CDH4: variants seen among roughly 807,000 people sequenced by gnomAD.
CDH4 encodes the protein cadherin-4.
A neutral mutation model predicts 86.0 loss-of-function variants in CDH4; 33 were observed. The ratio of observed to expected loss-of-function variants is 0.38; its 90% confidence interval spans 0.29 to 0.51. The LOEUF is 0.51. Ranked by LOEUF, CDH4 falls within the 20% of genes least tolerant of loss-of-function variation. The pLI is 0.86. For missense variants in CDH4, 1,114 were observed against 1,307.4 expected (o/e 0.85, Z 2.28); for synonymous variants, 555 against 549.4 (o/e 1.01, Z -0.14).
chr20:61,906,082 G>A (rs1242415802), intron 8 of CDH4, among the ~76,000 whole-genome samples: 5 of 152,192 alleles, frequency 3.3e-5, no homozygotes, highest in African/African-American at 1.2e-4. Context: ...CAGGCCAGAC[G>A]CAGGGGCCGC....
chr20:61,673,355 T>G (rs1422335790), intron 2 of CDH4, among the ~76,000 whole-genome samples: 2 of 152,224 alleles, frequency 1.3e-5, no homozygotes, highest in Non-Finnish European at 2.9e-5. Context: ...GGCCAGCACC[T>G]GCTTCCGGGG....
chr20:61,937,027 G>C lies in CDH4; in HGVS notation c.*84G>C. 1.7e-6 allele frequency: 2 copies of C among 1,211,610 alleles called. No individual in the cohort carries two copies. Among genetic ancestry groups the C allele is most frequent in the Non-Finnish European group, 2.3e-6 (2 of 882,810 alleles). The allele number at this position is 1,211,610 out of a possible 1,614,324, so 75.1% of individuals were successfully genotyped here. On this transcript the variant is annotated 3_prime_UTR_variant, in exon 16 of 16. Coordinates refer to ENST00000614565, the MANE Select transcript of CDH4 (RefSeq NM_001794.5). ...CTGAGCAGAGGCGGCCGGTCTTCCC[G>C]ACTCCCTGCGGCTGTGTCCTTAGTG... is the stretch of plus-strand genomic sequence containing the variant.
chr20:61,903,540 T>TAAGAAA (rs1555856254), intron 8 of CDH4, among the ~76,000 whole-genome samples: 1 of 90,886 alleles, frequency 1.1e-5, no homozygotes, highest in Non-Finnish European at 2.0e-5. Context: ...AGAGACTCCA[T>TAAGAAA]AAAAAAAAAA....
At chr20:61,685,486 T>C (rs973507677) in intron 2 of CDH4, among the ~76,000 whole-genome samples, 27 of 152,118 alleles carry the variant, frequency 1.8e-4, no homozygotes, top group African/African-American at 6.5e-4. Context: ...CTGCGGAGAG[T>C]GCCTGCTCTC....
chr20:61,893,933 G>A (rs1332047975), intron 7 of CDH4, among the ~76,000 whole-genome samples: 2 of 152,120 alleles, frequency 1.3e-5, no homozygotes, highest in African/African-American at 4.8e-5. Context: ...TACGGAGCCA[G>A]TTTATGGAAC....
intron 2 of CDH4, among the ~76,000 whole-genome samples, chr20:61,512,775 C>T (rs1241024624): frequency 6.6e-6 from 1 of 152,172 alleles, no homozygotes; most frequent in South Asian, 2.1e-4. Flanking sequence ...CCCAGGAGCA[C>T]GTCCATTCCT....
intron 1 of CDH4, among the ~76,000 whole-genome samples, chr20:61,253,957 C>T (rs925250676): frequency 6.6e-6 from 1 of 152,230 alleles, no homozygotes; most frequent in Admixed American, 6.5e-5. Flanking sequence ...GCTGGCTTCC[C>T]GCTTGCACAC....
At chr20:61,743,878 A>G in intron 3 of CDH4, 89 bp downstream of exon 3, 1 of 949,524 alleles carries the variant, frequency 1.1e-6, no homozygotes, top group East Asian at 2.6e-5. Context: ...CAGGGCTCCC[A>G]CAGGACAGAC....
chr20:61,358,262 C>CT (rs2084763853), intron 2 of CDH4, among the ~76,000 whole-genome samples: 1 of 152,184 alleles, frequency 6.6e-6, no homozygotes, highest in African/African-American at 2.4e-5. Flanking sequence ...AGCCGACCCA[C>CT]TGTGTGCTGA....
chr20:61,885,374 G>A (rs1984496162), intron 7 of CDH4, among the ~76,000 whole-genome samples: 1 of 152,164 alleles, frequency 6.6e-6, no homozygotes, highest in South Asian at 2.1e-4. Context: ...GCCTATTCTG[G>A]ACATTTCCTG....
intron 2 of CDH4, among the ~76,000 whole-genome samples, chr20:61,569,625 CAAT>C (rs1240999965): frequency 6.6e-6 from 1 of 152,178 alleles, no homozygotes; most frequent in Non-Finnish European, 1.5e-5. Flanking sequence ...GGAAATGTAC[CAAT>C]GATACGAGAT....
intron 2 of CDH4, among the ~76,000 whole-genome samples, chr20:61,375,763 CTGG>C (rs1365120378): frequency 2.3e-5 from 1 of 43,104 alleles, no homozygotes; most frequent in African/African-American, 8.5e-5. Context: ...GATGGTGGTG[CTGG>C]TGGTGGTCAT....
chr20:61,369,427 G>A (rs1193981794), intron 2 of CDH4, among the ~76,000 whole-genome samples: 1 of 141,410 alleles, frequency 7.1e-6, no homozygotes, highest in Non-Finnish European at 1.5e-5. Flanking sequence ...CTCCAGCCTG[G>A]GTGACAGAGT....
At chr20:61,929,579 G>A (rs753813602) in intron 12 of CDH4, 30 bp from the exon 13 acceptor site, 4 of 1,553,600 alleles carry the variant, frequency 2.6e-6, no homozygotes, top group Admixed American at 3.3e-5. Context: ...GCCGGGCTCT[G>A]GTTGAATGTT....
chr20:61,763,132 A>G (rs2088657491), intron 3 of CDH4, among the ~76,000 whole-genome samples: 1 of 152,208 alleles, frequency 6.6e-6, no homozygotes, highest in African/African-American at 2.4e-5. Flanking sequence ...ACCTATCGCC[A>G]AAGGTCGGGG....
At chr20:61,613,799 C>T (rs1007037759) in intron 2 of CDH4, among the ~76,000 whole-genome samples, 1 of 151,380 alleles carries the variant, frequency 6.6e-6, no homozygotes, top group Admixed American at 6.6e-5. Context: ...ATCGACTCTA[C>T]AGACTTCTTG....
chr20:61,828,867 T>C (rs1276922184), intron 4 of CDH4, among the ~76,000 whole-genome samples: 1 of 152,186 alleles, frequency 6.6e-6, no homozygotes, highest in African/African-American at 2.4e-5. Flanking sequence ...TGGAAGACAA[T>C]TTTCCCATGG....
At chr20:61,654,979 G>A (rs1401184657) in intron 2 of CDH4, among the ~76,000 whole-genome samples, 1 of 152,228 alleles carries the variant, frequency 6.6e-6, no homozygotes, top group Non-Finnish European at 1.5e-5. Context: ...AAACGCGTCT[G>A]CGGAGTCCCC....
At chr20:61,575,254 C>A (rs544573979) in intron 2 of CDH4, among the ~76,000 whole-genome samples, 3 of 152,286 alleles carry the variant, frequency 2.0e-5, no homozygotes, top group South Asian at 4.2e-4. Flanking sequence ...AGCAAGCTGG[C>A]AACGACAGGT....
Sources: gnomAD v4.1 joint callset for allele counts (sites outside exome capture counted in the v4.1 genomes callset) on GRCh38, gnomAD v4.1.1 for gene constraint, MANE v1.5 for transcripts, NCBI Gene and HGNC (gene_info 2026-07-23, HGNC 2026-07-21) for gene names.